Variants in MAGI1 observed in about 807,000 individuals in gnomAD.
MAGI1 encodes the protein membrane associated guanylate kinase, WW and PDZ domain containing 1, also known as membrane-associated guanylate kinase, WW and PDZ domain-containing protein 1.
Under a neutral mutation model 139.9 loss-of-function variants are expected in MAGI1, and 58 were observed. The ratio of observed to expected loss-of-function variants is 0.41; its 90% CI spans 0.34 to 0.52. The LOEUF (loss-of-function observed/expected upper bound fraction) is 0.52. Among genes scored for constraint, MAGI1 ranks in the 20% least tolerant of loss-of-function variants. MAGI1 has a pLI of 0.12. For missense variants in MAGI1, 1,874 were observed against 1,901.6 expected (o/e 0.99, Z 0.27); for synonymous variants, 812 against 737.9 (o/e 1.10, Z -1.63).
At position 65,356,675 on chromosome 3, in the gene MAGI1, G is replaced by A. The variant is rs1395783833; in HGVS notation, c.4092C>T (p.Asp1364=). 1.3e-6 allele frequency: 2 copies of A among 1,585,082 alleles called. No homozygotes were observed. Among genetic ancestry groups the A allele is most frequent in the East Asian group, 2.2e-5 (1 of 44,594 alleles). The part of the protein sequence containing the change: ...RRERSPTRRR[D]GSPSRRRRSL... Reference sequence around the variant, plus strand: ...ACCGTCTCCGCCGGCTGGGGGAGCCGTCTCTCCTGCGGGTGGGTGACCGCT... The same window carrying A: ...ACCGTCTCCGCCGGCTGGGGGAGCCATCTCTCCTGCGGGTGGGTGACCGCT... The change falls in exon 23 of 23, where the codon GAC becomes GAT. Residue 1364 remains aspartate, a synonymous_variant. Transcript: ENST00000402939.
intron 1 of MAGI1, among the ~76,000 whole-genome samples, chr3:65,977,230 G>A (rs184054015): frequency 7.2e-5 from 11 of 152,238 alleles, no homozygotes; most frequent in Admixed American, 5.9e-4. Flanking sequence ...ATCCCGCAGT[G>A]GCATATGTGA....
chr3:65,760,942 A>G (rs2107876695), intron 1 of MAGI1, among the ~76,000 whole-genome samples: 1 of 152,316 alleles, frequency 6.6e-6, no homozygotes, highest in South Asian at 2.1e-4. Flanking sequence ...GGGTAGAGGT[A>G]GGCAGGAAAG....
rs560569221 is a variant in MAGI1, at chr3:65,876,869, G to A, written c.313+161127C>T. ...TGCCATTCTCCTGCCTCAGCCTCCC[G>A]ATTAGCTGGGACTACAGGCACCTGC... On this transcript the variant is annotated intron_variant, in intron 1 of 22. Coordinates refer to ENST00000402939, the MANE Select transcript of MAGI1 (RefSeq NM_001033057.2). 4.0e-5 allele frequency among the ~76,000 whole-genome samples: 6 copies of A among 151,030 alleles called. No homozygotes were observed. In the South Asian group the frequency reaches 8.4e-4, roughly 21 times the overall value.
chr3:65,566,310 CAT>C (rs1553669771), intron 2 of MAGI1, among the ~76,000 whole-genome samples: 1 of 152,056 alleles, frequency 6.6e-6, no homozygotes. Flanking sequence ...AATATAGGCA[CAT>C]GTCACTTATC....
In MAGI1 at chr3:65,503,143, A is replaced by T. The variant is rs2077150333; in HGVS notation, c.431-9512T>A. On this transcript the variant is annotated intron_variant, in intron 2 of 22. Transcript: ENST00000402939. ...AAAGGTAAGATCCTTGTCTTCTGAG[A>T]ACTTGGAATCAGTTTGGGTCTGTGT... Among the ~76,000 whole-genome samples the T allele has an allele frequency of 2.0e-5, 3 of 152,294 alleles. No individual in the cohort carries two copies. The South Asian group carries it at 6.2e-4, about 32-fold the overall frequency.
chr3:65,384,918 G>A (rs1575577198), intron 14 of MAGI1, among the ~76,000 whole-genome samples: 1 of 152,032 alleles, frequency 6.6e-6, no homozygotes, highest in Non-Finnish European at 1.5e-5. Flanking sequence ...ACACTGAGGG[G>A]TGACTGTACA....
rs538662874 is a variant in MAGI1, at chr3:65,364,576, G to C, written c.3351+89C>G. The C allele has an allele frequency of 1.3e-3, 1,418 of 1,089,024 alleles. 1 individual carries two copies. The highest frequency in any genetic ancestry group is 3.6e-3 in the Middle Eastern group (12 of 3,332). 67.5% of individuals were successfully genotyped at this position (1,089,024 alleles called of 1,614,324 possible). ...AAAAGGTTATTTCTTTTAAATTAAA[G>C]GTGCTTCAAAAAATATCCCATAAAA... On this transcript the variant is annotated intron_variant, in intron 20 of 22. Coordinates refer to ENST00000402939, the MANE Select transcript of MAGI1 (RefSeq NM_001033057.2).
At chr3:65,920,011 A>G (rs2108729538) in intron 1 of MAGI1, among the ~76,000 whole-genome samples, 1 of 152,328 alleles carries the variant, frequency 6.6e-6, no homozygotes, top group South Asian at 2.1e-4. Flanking sequence ...CGATGTTTAA[A>G]TTCACACAAA....
intron 1 of MAGI1, among the ~76,000 whole-genome samples, chr3:65,849,182 CCTGA>C (rs1297444447): frequency 2.6e-5 from 4 of 151,390 alleles, no homozygotes; most frequent in Non-Finnish European, 5.9e-5. Context: ...TGCCACCACG[CCTGA>C]CTAAGTTTTT....
chr3:65,554,145 C>T (rs372564587), intron 2 of MAGI1, among the ~76,000 whole-genome samples: 3 of 152,146 alleles, frequency 2.0e-5, no homozygotes, highest in African/African-American at 7.2e-5. Flanking sequence ...TTGTTTCACT[C>T]CCCAAGAACC....
intron 22 of MAGI1, chr3:65,360,466 T>C: frequency 1.0e-6 from 1 of 985,016 alleles, no homozygotes; most frequent in Non-Finnish European, 1.2e-6. Flanking sequence ...CATTGCTGTC[T>C]ACTCAAATCA....
At chr3:65,786,251 CTT>C (rs3077812) in intron 1 of MAGI1, among the ~76,000 whole-genome samples, 23,349 of 114,502 alleles carry the variant, frequency 0.2, 1,726 homozygotes, top group Middle Eastern at 0.37. Flanking sequence ...CCAATCATAA[CTT>C]TTTTTTTTTT....
At chr3:65,474,780 G>A (rs1240655206) in intron 4 of MAGI1, among the ~76,000 whole-genome samples, 1 of 152,040 alleles carries the variant, frequency 6.6e-6, no homozygotes, top group Non-Finnish European at 1.5e-5. Context: ...CATGATCTCT[G>A]AGGCTCCATA....
At chr3:65,658,447 T>C (rs1350547802) in intron 1 of MAGI1, among the ~76,000 whole-genome samples, 1 of 152,222 alleles carries the variant, frequency 6.6e-6, no homozygotes, top group South Asian at 2.1e-4. Context: ...CAACACAGTG[T>C]ATAAGCACTG....
At chr3:65,929,820 C>G (rs1049397091) in intron 1 of MAGI1, among the ~76,000 whole-genome samples, 1 of 152,114 alleles carries the variant, frequency 6.6e-6, no homozygotes, top group Admixed American at 6.5e-5. Flanking sequence ...GGGTAAGAAG[C>G]TGAGTTACAC....
intron 1 of MAGI1, among the ~76,000 whole-genome samples, chr3:65,998,482 T>C (rs2066574352): frequency 6.6e-6 from 1 of 152,210 alleles, no homozygotes; most frequent in Non-Finnish European, 1.5e-5. Flanking sequence ...CAAAAACCCA[T>C]TAATTGTGAC....
intron 1 of MAGI1, among the ~76,000 whole-genome samples, chr3:65,932,252 CTA>C (rs2062837871): frequency 6.6e-6 from 1 of 152,144 alleles, no homozygotes; most frequent in African/African-American, 2.4e-5. Context: ...TGTTCGAAGA[CTA>C]TGGATTATGT....
rs2033622696 is a variant in MAGI1 at position 65,726,500 on chromosome 3, T to A, written c.314-104412A>T. Among the ~76,000 whole-genome samples, 3 of 152,298 alleles carry A rather than the reference T, an allele frequency of 2.0e-5. No homozygotes were observed. In the South Asian group the frequency reaches 6.2e-4, roughly 32 times the overall value. On this transcript the variant is annotated intron_variant, in intron 1 of 22. Transcript: ENST00000402939. ...GCAAGGCAGGCATATATTGCCCTAT[T>A]TTTGTGGTTATGTTGAGGTATCAAG...
rs1321622386 is a variant in MAGI1 at position 65,442,781 on chromosome 3, T to A, written c.1136+11A>T. 1 of 1,605,564 alleles carries A rather than the reference T, an allele frequency of 6.2e-7. No homozygotes were observed. The highest frequency in any genetic ancestry group is 8.5e-7 in the Non-Finnish European group (1 of 1,172,932). On this transcript the variant is annotated intron_variant, in intron 8 of 22. Transcript: ENST00000402939. ...TATAAACTAATGTGTGGATTGTGAA[T>A]GGGCACTTACTCTACATAGTAGATA... is the stretch of plus-strand genomic sequence containing the variant.
Sources: allele counts gnomAD v4.1 joint callset (sites outside exome capture counted in the v4.1 genomes callset), GRCh38; gene constraint gnomAD v4.1.1; transcripts MANE v1.5; gene names NCBI Gene and HGNC (gene_info 2026-07-23, HGNC 2026-07-21).